ANKRD22: variants seen among roughly 807,000 people sequenced by gnomAD.
The protein encoded by ANKRD22 is ankyrin repeat domain-containing protein 22.
In ANKRD22, 24 loss-of-function variants were observed where a neutral mutation model predicts 25.7. The observed-to-expected ratio is 0.93, with a 90% CI of 0.68 to 1.31. ANKRD22 has a LOEUF of 1.31. ANKRD22 is among the 50% of genes most tolerant of loss of function. The pLI, the probability that ANKRD22 is intolerant of heterozygous loss-of-function variation, is 0.00. For missense variants in ANKRD22, 214 were observed against 227.1 expected, an observed-to-expected ratio of 0.94 and a Z score of 0.37; for synonymous variants, 84 against 84.3, an observed-to-expected ratio of 1.00 and a Z score of 0.02.
intron 1 of ANKRD22, among the ~76,000 whole-genome samples, chr10:88,833,158 C>T (rs1027760401): frequency 1.3e-5 from 2 of 152,098 alleles, no homozygotes; most frequent in African/African-American, 2.4e-5. Flanking sequence ...AAGTTCAGGC[C>T]GTAAACCCCA....
At chr10:88,844,402 G>A (rs1844029594) in intron 1 of ANKRD22, among the ~76,000 whole-genome samples, 2 of 152,086 alleles carry the variant, frequency 1.3e-5, no homozygotes, top group Admixed American at 1.3e-4. Context: ...GAAAGTTAGT[G>A]TTAAGACTTC....
intron 3 of ANKRD22, among the ~76,000 whole-genome samples, chr10:88,827,903 T>A (rs1369712321): frequency 6.6e-6 from 1 of 152,174 alleles, no homozygotes; most frequent in African/African-American, 2.4e-5. Context: ...TGGATAAAAG[T>A]GAGTAAGTCA....
chr10:88,828,611 T>A lies in ANKRD22; in HGVS notation c.269A>T (p.Tyr90Phe). Reference protein sequence around the residue: ...AVKKKFTFIDYLLIILLMPVL... With the variant: ...AVKKKFTFIDFLLIILLMPVL... ...AGGCATTAAGAGGATAATTAGTAGA[T>A]AATCAATGAAGGTAAATTTTTTCTT... The change falls in exon 3 of 6, where the codon TAT (tyrosine) becomes TTT (phenylalanine). Residue 90 changes from tyrosine (Y) to phenylalanine (F), a missense_variant. Physicochemically the swap from Tyr to Phe is conservative, Grantham distance 22 (BLOSUM62 3). Transcript: ENST00000371930. 6.2e-7 allele frequency: 1 copy of A among 1,611,438 alleles called. No homozygotes were observed. The highest frequency in any genetic ancestry group is 8.5e-7 in the Non-Finnish European group (1 of 1,178,518).
intron 1 of ANKRD22, among the ~76,000 whole-genome samples, chr10:88,848,211 T>C (rs1046968192): frequency 3.4e-5 from 5 of 148,264 alleles, no homozygotes; most frequent in African/African-American, 1.2e-4. Context: ...TACATATATA[T>C]ATACATATAT....
intron 4 of ANKRD22, among the ~76,000 whole-genome samples, chr10:88,823,782 T>G (rs1229058116): frequency 7.1e-6 from 1 of 141,090 alleles, no homozygotes; most frequent in Admixed American, 7.6e-5. Flanking sequence ...GAGCCGAGAT[T>G]GCGCCACTGC....
chr10:88,844,292 G>A (rs969735847), intron 1 of ANKRD22, among the ~76,000 whole-genome samples: 2 of 152,110 alleles, frequency 1.3e-5, no homozygotes, highest in East Asian at 3.9e-4. Context: ...ATGGGACCAA[G>A]GAAAATTGGG....
intron 2 of ANKRD22, 104 bp from the exon 3 acceptor site, chr10:88,828,770 T>G: frequency 5.6e-4 from 405 of 729,052 alleles, no homozygotes; most frequent in Middle Eastern, 8.0e-4. Flanking sequence ...GTTTTTCCGG[T>G]ACCCATGGCA....
Position 88,820,561 on chromosome 10 carries a change from A to C in ANKRD22, c.*2380T>G. On this transcript the variant is annotated 3_prime_UTR_variant, in exon 6 of 6. Coordinates refer to ENST00000371930, the MANE Select transcript of ANKRD22 (RefSeq NM_144590.3). ...TGAGGGATGGGGCTAGGACCCATGAAGGCAGAATTACGGAGAGCAGAGACC... is the reference window on the plus strand; with the variant it reads ...TGAGGGATGGGGCTAGGACCCATGACGGCAGAATTACGGAGAGCAGAGACC... 6.8e-7 allele frequency: 1 copy of C among 1,475,984 alleles called. No homozygotes were observed. Among genetic ancestry groups the C allele is most frequent in the African/African-American group, 1.4e-5 (1 of 71,498 alleles). The allele number at this position is 1,475,984 out of a possible 1,614,324, so 91.4% of individuals were successfully genotyped here.
rs1347026048 is a variant in ANKRD22, at chr10:88,821,672, T to C, written c.*1269A>G. On this transcript the variant is annotated 3_prime_UTR_variant, in exon 6 of 6. Coordinates refer to ENST00000371930, the MANE Select transcript of ANKRD22 (RefSeq NM_144590.3). ...TAAGTTTCTTAAATCCTGTACACAG[T>C]TGAATATATATTGCTGGATTTGATT... is the stretch of plus-strand genomic sequence containing the variant. Among the ~76,000 whole-genome samples, 2 of 152,216 alleles carry C rather than the reference T, an allele frequency of 1.3e-5. No homozygotes were observed. Among genetic ancestry groups the C allele is most frequent in the African/African-American group, 2.4e-5 (1 of 41,462 alleles).
Position 88,831,893 on chromosome 10 carries a change from T to C in ANKRD22, c.155A>G (p.His52Arg), listed in dbSNP as rs749935435. The change falls in exon 2 of 6, where the codon CAT (histidine) becomes CGT (arginine). Residue 52 changes from histidine (H) to arginine (R), a missense_variant. Transcript: ENST00000371930. ...TPLICACRRGHVRIVSFLLRR... is the reference protein window; with the variant it reads ...TPLICACRRGRVRIVSFLLRR... ...TAAAAGGAAGGAAACGATTCTCACA[T>C]GCCCTCGCCTGCAAGCACAGATCAG... is the stretch of plus-strand genomic sequence containing the variant. 8 of 1,613,052 alleles carry C rather than the reference T, an allele frequency of 5.0e-6. No individual in the cohort carries two copies. The highest frequency in any genetic ancestry group is 6.8e-6 in the Non-Finnish European group (8 of 1,179,706).
Position 88,842,804 on chromosome 10 carries a change from A to G in ANKRD22, c.21+8783T>C, listed in dbSNP as rs776574762. On this transcript the variant is annotated intron_variant, in intron 1 of 5. Transcript: ENST00000371930. ...GGAAAAATAATGACAGGAAAAAAAT[A>G]TCAGTAACATTTCACACATTGTAAT... Among the ~76,000 whole-genome samples, 3 of 151,564 alleles carry G rather than the reference A, an allele frequency of 2.0e-5. No homozygotes were observed. The East Asian group carries it at 5.8e-4, about 29-fold the overall frequency.
intron 2 of ANKRD22, among the ~76,000 whole-genome samples, chr10:88,829,224 T>C (rs1218020956): frequency 1.3e-5 from 2 of 152,160 alleles, no homozygotes; most frequent in Non-Finnish European, 2.9e-5. Context: ...TCTTAGGGCC[T>C]CATAATCAAA....
In ANKRD22 at chr10:88,820,007, T is replaced by C. The variant is rs935362679; in HGVS notation, c.*2934A>G. Among the ~76,000 whole-genome samples the C allele has an allele frequency of 6.6e-6, 1 of 152,242 alleles. No individual in the cohort carries two copies. The highest frequency in any genetic ancestry group is 1.5e-5 in the Non-Finnish European group (1 of 68,034). On this transcript the variant is annotated 3_prime_UTR_variant, in exon 6 of 6. Transcript: ENST00000371930. ...ATTTGATCTAGCAAGTTATTACAGATATTATCCCCAGTCACAGAAGAAGAA... is the reference window on the plus strand; with the variant it reads ...ATTTGATCTAGCAAGTTATTACAGACATTATCCCCAGTCACAGAAGAAGAA...
At chr10:88,848,804 T>C (rs1411733675) in intron 1 of ANKRD22, among the ~76,000 whole-genome samples, 1 of 152,172 alleles carries the variant, frequency 6.6e-6, no homozygotes, top group Non-Finnish European at 1.5e-5. Context: ...ATTCCTGTAT[T>C]CCCTGACTTC....
At chr10:88,823,776 C>T (rs1195259707) in intron 4 of ANKRD22, among the ~76,000 whole-genome samples, 1 of 144,980 alleles carries the variant, frequency 6.9e-6, no homozygotes, top group African/African-American at 2.6e-5. Context: ...TGCAGTGAGC[C>T]GAGATTGCGC....
chr10:88,820,093 T>C lies in ANKRD22; in HGVS notation c.*2848A>G, dbSNP rs949616246. On this transcript the variant is annotated 3_prime_UTR_variant, in exon 6 of 6. Coordinates refer to ENST00000371930, the MANE Select transcript of ANKRD22 (RefSeq NM_144590.3). ...AAGTAAGGGCGGGAACAGAAATTCTTAACAGAGTTGTGTGGCTCTAACACC... is the reference window on the plus strand; with the variant it reads ...AAGTAAGGGCGGGAACAGAAATTCTCAACAGAGTTGTGTGGCTCTAACACC... 1.5e-6 allele frequency: 1 copy of C among 657,652 alleles called. No individual in the cohort carries two copies. The highest frequency in any genetic ancestry group is 1.8e-5 in the African/African-American group (1 of 55,018). The allele number at this position is 657,652 out of a possible 1,614,324, so 40.7% of individuals were successfully genotyped here.
chr10:88,836,507 A>C (rs1296122369), intron 1 of ANKRD22, among the ~76,000 whole-genome samples: 3 of 152,250 alleles, frequency 2.0e-5, no homozygotes, highest in Non-Finnish European at 2.9e-5. Flanking sequence ...TTCCTTGCCC[A>C]AAGTGACATA....
chr10:88,835,241 C>T (rs1427712196), intron 1 of ANKRD22, among the ~76,000 whole-genome samples: 1 of 152,190 alleles, frequency 6.6e-6, no homozygotes, highest in Non-Finnish European at 1.5e-5. Context: ...TTCTCAACCC[C>T]ATTTGAGCAA....
At chr10:88,846,093 A>G (rs1276130471) in intron 1 of ANKRD22, among the ~76,000 whole-genome samples, 1 of 152,002 alleles carries the variant, frequency 6.6e-6, no homozygotes, top group Non-Finnish European at 1.5e-5. Context: ...ACTTCTTCCA[A>G]CTTACTGGTG....
Sources: gnomAD v4.1 joint callset for allele counts (sites outside exome capture counted in the v4.1 genomes callset) on GRCh38, gnomAD v4.1.1 for gene constraint, MANE v1.5 for transcripts, NCBI Gene and HGNC (gene_info 2026-07-23, HGNC 2026-07-21) for gene names.